Variants in LMNA observed in about 807,000 individuals in gnomAD.
LMNA encodes lamin.
A neutral mutation model predicts 70.4 loss-of-function variants in LMNA; 20 were observed. The observed-to-expected ratio is 0.28, with a 90% CI of 0.20 to 0.41. LMNA has a LOEUF of 0.41. Ranked by LOEUF, LMNA falls within the 10% of genes least tolerant of loss-of-function variation. The probability of loss-of-function intolerance (pLI) is 1.00; values close to 1 mark genes in which losing one functional copy is unlikely to be tolerated. For synonymous variants in LMNA, 339 were observed against 372.8 expected (o/e 0.91, Z 1.04); for missense variants, 652 against 917.2 (o/e 0.71, Z 3.73).
In LMNA at chr1:156,124,055, G is replaced by A. The variant is rs1197244070; in HGVS notation, c.357-6562G>A. 1.1e-4 allele frequency among the ~76,000 whole-genome samples: 17 copies of A among 152,234 alleles called. 1 individual carries two copies. Among genetic ancestry groups the A allele is most frequent in the Admixed American group, 1.1e-3 (17 of 15,290 alleles). Reference sequence around the variant, plus strand: ...CTGGTAGGGGATCTGAGAGGCCTCAGACCCTAGGCATATTTGGCTGTTTGG... The same window carrying A: ...CTGGTAGGGGATCTGAGAGGCCTCAAACCCTAGGCATATTTGGCTGTTTGG... On this transcript the variant is annotated intron_variant, in intron 1 of 11. Coordinates refer to ENST00000368300, the MANE Select transcript of LMNA (RefSeq NM_170707.4).
chr1:156,110,383 T>C (rs1313716345), upstream of LMNA, among the ~76,000 whole-genome samples: 1 of 152,218 alleles, frequency 6.6e-6, no homozygotes, highest in Non-Finnish European at 1.5e-5. Context: ...GGCAGTTCTG[T>C]AAAGCCCCTA....
intron 1 of LMNA, chr1:156,126,925 A>G (rs1650637438): frequency 3.1e-6 from 5 of 1,587,776 alleles, no homozygotes; most frequent in Admixed American, 1.8e-5. Context: ...TGTGAGCACT[A>G]GAGGATTTCC....
chr1:156,128,860 G>A (rs1650805152), intron 1 of LMNA, among the ~76,000 whole-genome samples: 2 of 152,204 alleles, frequency 1.3e-5, no homozygotes, highest in South Asian at 4.1e-4. Flanking sequence ...GCCTCTTCTG[G>A]GAAGCCCCAG....
chr1:156,126,947 C>G lies in LMNA; in HGVS notation c.357-3670C>G, dbSNP rs76950353. 1,253 of 1,544,044 alleles carry G rather than the reference C, an allele frequency of 8.1e-4. 8 individuals are homozygous for G. In the African/African-American group the frequency reaches 0.015, roughly 19 times the overall value. ...ACTAGAGGATTTCCCGACCCCTGCC[C>G]GGGTATTGTGTGCCTGAGCATGAGT... is the stretch of plus-strand genomic sequence containing the variant. On this transcript the variant is annotated intron_variant, in intron 1 of 11. Coordinates refer to ENST00000368300, the MANE Select transcript of LMNA (RefSeq NM_170707.4).
At chr1:156,133,771 A>T (rs532201710) in intron 2 of LMNA, among the ~76,000 whole-genome samples, 24 of 151,866 alleles carry the variant, frequency 1.6e-4, no homozygotes, top group Non-Finnish European at 3.2e-4. Context: ...CCCAGAACAC[A>T]CATGCCTTCA....
At chr1:156,084,328 C>CGG (rs60777722) in intron 2 of LMNA, among the ~76,000 whole-genome samples, 18 of 90,946 alleles carry the variant, frequency 2.0e-4, no homozygotes, top group African/African-American at 4.2e-4. Context: ...CTCAGAAGGT[C>CGG]GGGGGGTGGT....
chr1:156,093,441 G>C (rs1484716360), intron 3 of LMNA, among the ~76,000 whole-genome samples: 1 of 151,712 alleles, frequency 6.6e-6, no homozygotes, highest in African/African-American at 2.4e-5. Context: ...AAGTAGCTGG[G>C]ATTACAGGCG....
At chr1:156,131,275 AAAT>A (rs554221491) in intron 2 of LMNA, among the ~76,000 whole-genome samples, 3 of 150,650 alleles carry the variant, frequency 2.0e-5, no homozygotes, top group African/African-American at 7.4e-5. Flanking sequence ...CGTCTCAAAA[AAAT>A]AATAATAATA....
chr1:156,118,012 A>G (rs1649955247), intron 1 of LMNA, among the ~76,000 whole-genome samples: 1 of 127,590 alleles, frequency 7.8e-6, no homozygotes, highest in Non-Finnish European at 1.6e-5. Flanking sequence ...GTTTGTAAAG[A>G]TGGAAACTTG....
At chr1:156,110,084 C>G (rs1460602537), upstream of LMNA, among the ~76,000 whole-genome samples, 3 of 152,068 alleles carry the variant, frequency 2.0e-5, no homozygotes, top group Admixed American at 2.0e-4. Context: ...CTCAAGCAAT[C>G]TGCAATCTGC....
intron 2 of LMNA, among the ~76,000 whole-genome samples, chr1:156,087,116 A>G (rs1248532909): frequency 6.6e-6 from 1 of 152,176 alleles, no homozygotes; most frequent in African/African-American, 2.4e-5. Context: ...CTTACCAAGC[A>G]GACTGGCCCT....
chr1:156,108,870 A>G (rs569378417), intron 3 of LMNA, among the ~76,000 whole-genome samples: 39 of 152,290 alleles, frequency 2.6e-4, no homozygotes, highest in Non-Finnish European at 5.0e-4. Flanking sequence ...ATGCCTGAAG[A>G]TATTTTTGAT....
At position 156,137,343 on chromosome 1, in the gene LMNA, C is replaced by G. The variant is rs1456487547; in HGVS notation, c.1608+111C>G. 7.2e-7 allele frequency: 1 copy of G among 1,393,962 alleles called. No individual in the cohort carries two copies. The highest frequency in any genetic ancestry group is 1.4e-5 in the African/African-American group (1 of 70,114). 86.3% of individuals were successfully genotyped at this position (1,393,962 alleles called of 1,614,324 possible). A position where few individuals can be genotyped will look rare whatever the true frequency, so the allele number is the denominator to read the frequency against. Reference sequence around the variant, plus strand: ...GCCAATTCAGGGCCCCTTTCTAGAGCTCTCTGTTGCAGGCTCCAGACTTCT... The same window carrying G: ...GCCAATTCAGGGCCCCTTTCTAGAGGTCTCTGTTGCAGGCTCCAGACTTCT... On this transcript the variant is annotated intron_variant, in intron 9 of 11. Coordinates refer to ENST00000368300, the MANE Select transcript of LMNA (RefSeq NM_170707.4). The surrounding 1 kb of genome is among the most constrained non-coding windows in gnomAD (Gnocchi z 4.6).
chr1:156,124,791 T>C (rs914886106), intron 1 of LMNA, among the ~76,000 whole-genome samples: 6 of 151,838 alleles, frequency 4.0e-5, no homozygotes, highest in Admixed American at 2.6e-4. Flanking sequence ...GGTGTGAGTA[T>C]GTGTATATTT....
intron 1 of LMNA, among the ~76,000 whole-genome samples, chr1:156,116,914 G>C (rs1649863226): frequency 6.6e-6 from 1 of 151,448 alleles, no homozygotes; most frequent in African/African-American, 2.4e-5. Context: ...AGGAAGACAG[G>C]CTTAACGGTT....
chr1:156,120,347 G>A (rs1287601677), intron 1 of LMNA, among the ~76,000 whole-genome samples: 1 of 152,238 alleles, frequency 6.6e-6, no homozygotes, highest in African/African-American at 2.4e-5. Context: ...AGGTTGGAGG[G>A]AGGATCTAGA....
chr1:156,089,405 C>T (rs974006709), intron 2 of LMNA, among the ~76,000 whole-genome samples: 3 of 151,766 alleles, frequency 2.0e-5, no homozygotes, highest in Admixed American at 6.6e-5. Flanking sequence ...AAGCGATTCT[C>T]CTGCCTCAGC....
exon 1 of LMNA, chr1:156,082,603 A>T (rs944702021): frequency 3.3e-5 from 5 of 151,256 alleles, no homozygotes; most frequent in Non-Finnish European, 7.4e-5. Context: ...GAGGATAGGG[A>T]TGTGGCCTTC....
At chr1:156,126,563 C>G (rs993590273) in intron 1 of LMNA, 2 of 786,866 alleles carry the variant, frequency 2.5e-6, no homozygotes, top group Non-Finnish European at 4.5e-6. Context: ...CCAAACAGCC[C>G]CAAGGGCCCG....
Sources: gnomAD v4.1 joint callset for allele counts (sites outside exome capture counted in the v4.1 genomes callset) on GRCh38, gnomAD v4.1.1 for gene constraint, Gnocchi (gnomAD v3.1) non-coding constraint, MANE v1.5 for transcripts, NCBI Gene and HGNC (gene_info 2026-07-23, HGNC 2026-07-21) for gene names.